NFIA: variants seen among roughly 807,000 people sequenced by gnomAD.
NFIA encodes the protein nuclear factor 1 A-type.
A neutral mutation model predicts 62.8 loss-of-function variants in NFIA; 8 were observed. The ratio of observed to expected loss-of-function variants is 0.13; its 90% CI spans 0.07 to 0.23. The LOEUF (loss-of-function observed/expected upper bound fraction) is 0.23. Among genes scored for constraint, NFIA ranks in the 10% least tolerant of loss-of-function variants. The pLI, the probability that NFIA is intolerant of heterozygous loss-of-function variation, is 1.00. For synonymous variants in NFIA, 235 were observed against 238.1 expected (o/e 0.99, Z 0.12); for missense variants, 410 against 642.1 (o/e 0.64, Z 3.91).
chr1:61,446,652 G>A (rs933387386), intron 10 of NFIA, among the ~76,000 whole-genome samples: 5 of 152,200 alleles, frequency 3.3e-5, no homozygotes, highest in African/African-American at 1.2e-4. Context: ...GGAAAGGTTG[G>A]TTTGGGAATT....
chr1:61,264,651 TACAAAAAAAA>T lies in NFIA; in HGVS notation c.560-12867_560-12858del, dbSNP rs1448237577. 3.4e-3 allele frequency among the ~76,000 whole-genome samples: 44 copies of T among 13,054 alleles called. No homozygotes were observed. In the East Asian group the frequency reaches 0.036, roughly 11 times the overall value. The allele number at this position is 13,054 out of a possible 152,430, so 8.6% of individuals were successfully genotyped here. On this transcript the variant is annotated intron_variant, in intron 2 of 10. Transcript: ENST00000403491. ...GGGCGATAAGAGCAAAACTCCACCTTACAAAAAAAAAAAAAAAAAAAAAAAAAAAGGATTT... is the reference window on the plus strand; with the variant it reads ...GGGCGATAAGAGCAAAACTCCACCTTAAAAAAAAAAAAAAAAAAAGGATTT...
At chr1:61,330,442 CCCA>C (rs1379779240) in intron 3 of NFIA, among the ~76,000 whole-genome samples, 2 of 87,014 alleles carry the variant, frequency 2.3e-5, no homozygotes, top group African/African-American at 6.7e-5. Flanking sequence ...ATACACCCCC[CCCA>C]CACACACACA....
intron 7 of NFIA, among the ~76,000 whole-genome samples, chr1:61,385,328 A>G (rs183592466): frequency 6.6e-6 from 1 of 152,334 alleles, no homozygotes; most frequent in African/African-American, 2.4e-5. Context: ...AGCAAAGGAA[A>G]GATTTGTGGT....
At chr1:61,254,463 C>T (rs1656246891) in intron 2 of NFIA, among the ~76,000 whole-genome samples, 2 of 152,124 alleles carry the variant, frequency 1.3e-5, no homozygotes, top group African/African-American at 2.4e-5. Context: ...ACATCACTGG[C>T]ACTGCCCTAG....
intron 9 of NFIA, among the ~76,000 whole-genome samples, chr1:61,422,997 A>G (rs1469278536): frequency 6.6e-6 from 1 of 152,184 alleles, no homozygotes; most frequent in Non-Finnish European, 1.5e-5. Context: ...ATAAGGGGGT[A>G]ACACAGAAAG....
intron 10 of NFIA, among the ~76,000 whole-genome samples, chr1:61,430,802 A>T (rs1667069415): frequency 6.6e-6 from 1 of 152,044 alleles, no homozygotes; most frequent in Non-Finnish European, 1.5e-5. Context: ...ATTCCTGCCG[A>T]GTTATCTGTC....
At chr1:61,414,063 A>G (rs181163797) in intron 9 of NFIA, among the ~76,000 whole-genome samples, 68 of 151,942 alleles carry the variant, frequency 4.5e-4, no homozygotes, top group African/African-American at 1.6e-3. Flanking sequence ...GCTCACTGCA[A>G]TCTCCATCTT....
At chr1:61,156,889 T>C (rs1361483611) in intron 2 of NFIA, among the ~76,000 whole-genome samples, 1 of 152,218 alleles carries the variant, frequency 6.6e-6, no homozygotes, top group African/African-American at 2.4e-5. Context: ...ATAGTAAACC[T>C]TGTGTGGGGC....
At chr1:61,276,063 TAAAAGCTGTCACTTTGC>T (rs1271250454) in intron 2 of NFIA, among the ~76,000 whole-genome samples, 1 of 152,188 alleles carries the variant, frequency 6.6e-6, no homozygotes, top group Non-Finnish European at 1.5e-5. Flanking sequence ...TACAGAACGA[TAAAAGCTGTCACTTTGC>T]CAGACTCAAA....
chr1:61,344,511 T>C (rs185831725), intron 4 of NFIA, among the ~76,000 whole-genome samples: 1 of 152,368 alleles, frequency 6.6e-6, no homozygotes, highest in Non-Finnish European at 1.5e-5. Context: ...GGGTTACTTA[T>C]TGCCATTCTT....
chr1:61,187,590 T>G (rs537968966), intron 2 of NFIA, among the ~76,000 whole-genome samples: 1 of 152,300 alleles, frequency 6.6e-6, no homozygotes, highest in South Asian at 2.1e-4. Flanking sequence ...CTCAGAAAGA[T>G]CTGTTCCTTT....
chr1:61,361,181 A>G (rs184782396), intron 6 of NFIA, among the ~76,000 whole-genome samples: 121 of 152,294 alleles, frequency 7.9e-4, no homozygotes, highest in African/African-American at 2.2e-3. Flanking sequence ...TGGTTCTTCT[A>G]TGAAGGTCAC....
chr1:61,208,212 C>T (rs1401173092), intron 2 of NFIA, among the ~76,000 whole-genome samples: 2 of 152,106 alleles, frequency 1.3e-5, no homozygotes, highest in Middle Eastern at 6.8e-3. Flanking sequence ...TGATTGAACT[C>T]TTGTTTTTGT....
chr1:61,385,927 A>G (rs1012702177), intron 7 of NFIA: 9 of 152,188 alleles, frequency 5.9e-5, no homozygotes, highest in Non-Finnish European at 7.3e-5. Flanking sequence ...CTACTCAGGT[A>G]CCCGTTCTTA....
intron 10 of NFIA, among the ~76,000 whole-genome samples, chr1:61,444,355 A>G (rs567809935): frequency 7.2e-5 from 11 of 152,310 alleles, no homozygotes; most frequent in African/African-American, 2.6e-4. Flanking sequence ...TTTTAATACT[A>G]ACGAGAACTT....
chr1:61,378,134 AGAG>A (rs796959143), intron 6 of NFIA, among the ~76,000 whole-genome samples: 44 of 152,234 alleles, frequency 2.9e-4, no homozygotes, highest in South Asian at 1.7e-3. Context: ...GGAGTAGGGG[AGAG>A]GTGAAATTAA....
chr1:61,180,563 G>C (rs904795211), intron 2 of NFIA, among the ~76,000 whole-genome samples: 1 of 152,178 alleles, frequency 6.6e-6, no homozygotes, highest in African/African-American at 2.4e-5. Context: ...TTGTGGCTTA[G>C]CTGGAATATA....
intron 2 of NFIA, among the ~76,000 whole-genome samples, chr1:61,223,660 CTGAA>C (rs1654154656): frequency 6.6e-6 from 1 of 151,938 alleles, no homozygotes. Context: ...AATATTTTGT[CTGAA>C]TGTGGAATTC....
intron 2 of NFIA, among the ~76,000 whole-genome samples, chr1:61,097,800 A>G (rs1268753629): frequency 6.6e-6 from 1 of 152,204 alleles, no homozygotes; most frequent in East Asian, 1.9e-4. Context: ...TTAAGCTCCT[A>G]CATAAAATGA....
Sources: allele counts gnomAD v4.1 joint callset (sites outside exome capture counted in the v4.1 genomes callset), GRCh38; gene constraint gnomAD v4.1.1; transcripts MANE v1.5; gene names NCBI Gene and HGNC (gene_info 2026-07-23, HGNC 2026-07-21).